The following MICU2 variants were observed in gnomAD, a reference collection of about 807,000 sequenced individuals.
MICU2 encodes the protein calcium uptake protein 2, mitochondrial.
Under a neutral mutation model 60.4 loss-of-function variants are expected in MICU2, and 64 were observed. That is an observed-to-expected ratio of 1.06 (90% CI 0.87 to 1.31). The LOEUF is 1.31. Among genes scored for constraint, MICU2 ranks in the 50% most tolerant of loss-of-function variants. The probability of loss-of-function intolerance (pLI) is 0.00; values close to 1 mark genes in which losing one functional copy is unlikely to be tolerated. For synonymous variants in MICU2, 201 were observed against 175.0 expected, an observed-to-expected ratio of 1.15 and a Z score of -1.17; for missense variants, 569 against 531.0, an observed-to-expected ratio of 1.07 and a Z score of -0.70.
rs1299447158 is a variant in MICU2 at position 21,597,116 on chromosome 13, AT to A, written c.210+6822del. 3.3e-5 allele frequency among the ~76,000 whole-genome samples: 5 copies of A among 152,312 alleles called. No homozygotes were observed. In the East Asian group the frequency reaches 9.6e-4, roughly 29 times the overall value. ...TAAATGTTAATAATATATATTAAAA[AT>A]GCTATCTTATATGTAGTCACAGGTT... On this transcript the variant is annotated intron_variant, in intron 1 of 11. Coordinates refer to ENST00000382374, the MANE Select transcript of MICU2 (RefSeq NM_152726.3).
At chr13:21,588,505 C>T (rs562808946) in intron 1 of MICU2, among the ~76,000 whole-genome samples, 2 of 152,314 alleles carry the variant, frequency 1.3e-5, no homozygotes, top group East Asian at 1.9e-4. Context: ...GCTTCCATCT[C>T]CCAACACTAA....
At chr13:21,603,846 G>C (rs1888885708) in intron 1 of MICU2, 93 bp downstream of exon 1, 1 of 1,397,904 alleles carries the variant, frequency 7.2e-7, no homozygotes, top group Non-Finnish European at 9.8e-7. Flanking sequence ...CACGGCTCCG[G>C]GAGAGCCGCC....
intron 2 of MICU2, among the ~76,000 whole-genome samples, chr13:21,562,912 T>C (rs1298317710): frequency 6.6e-6 from 1 of 152,226 alleles, no homozygotes; most frequent in Non-Finnish European, 1.5e-5. Context: ...GAACATTTCT[T>C]GTAAATCAGA....
intron 6 of MICU2, among the ~76,000 whole-genome samples, chr13:21,517,426 T>C (rs1267120997): frequency 6.6e-6 from 1 of 152,220 alleles, no homozygotes; most frequent in Non-Finnish European, 1.5e-5. Flanking sequence ...CTTTTAAATA[T>C]GCTTTTTTGA....
At chr13:21,578,280 G>C (rs1370279492) in intron 1 of MICU2, among the ~76,000 whole-genome samples, 1 of 152,092 alleles carries the variant, frequency 6.6e-6, no homozygotes, top group Non-Finnish European at 1.5e-5. Flanking sequence ...CAAACTCAAA[G>C]TGTGTCCTTA....
chr13:21,561,175 AT>A (rs1450078841), intron 2 of MICU2, among the ~76,000 whole-genome samples: 2 of 152,030 alleles, frequency 1.3e-5, no homozygotes, highest in African/African-American at 4.8e-5. Flanking sequence ...TATGATTTCT[AT>A]TCTTGTAAAT....
At chr13:21,525,790 A>G (rs1265585431) in intron 4 of MICU2, among the ~76,000 whole-genome samples, 1 of 151,744 alleles carries the variant, frequency 6.6e-6, no homozygotes, top group African/African-American at 2.4e-5. Flanking sequence ...TATTCTGGTT[A>G]TTATCCCTTA....
intron 1 of MICU2, among the ~76,000 whole-genome samples, chr13:21,577,594 TGA>T (rs1491402828): frequency 4.6e-5 from 7 of 151,586 alleles, no homozygotes; most frequent in African/African-American, 1.7e-4. Flanking sequence ...GATCACAAGG[TGA>T]GGAGTTCAAG....
Position 21,539,637 on chromosome 13 carries a change from C to T in MICU2, c.390+20G>A, listed in dbSNP as rs776314628. The T allele has an allele frequency of 5.6e-6, 9 of 1,614,024 alleles. No homozygotes were observed. Among genetic ancestry groups the T allele is most frequent in the African/African-American group, 1.3e-5 (1 of 75,036 alleles). ...TATCTTACCAAAAACAAACCCTGCCCCCCACAACATGATGCTTACCTTTTT... is the reference window on the plus strand; with the variant it reads ...TATCTTACCAAAAACAAACCCTGCCTCCCACAACATGATGCTTACCTTTTT... On this transcript the variant is annotated intron_variant, in intron 3 of 11. Coordinates refer to ENST00000382374, the MANE Select transcript of MICU2 (RefSeq NM_152726.3).
At chr13:21,557,795 C>T (rs1887743960) in intron 2 of MICU2, among the ~76,000 whole-genome samples, 1 of 152,196 alleles carries the variant, frequency 6.6e-6, no homozygotes, top group Non-Finnish European at 1.5e-5. Context: ...TGCAAAATTA[C>T]TGAATTCTTG....
intron 6 of MICU2, among the ~76,000 whole-genome samples, chr13:21,519,008 G>A (rs1886650211): frequency 6.6e-6 from 1 of 152,132 alleles, no homozygotes; most frequent in African/African-American, 2.4e-5. Flanking sequence ...CAATTTCAGA[G>A]GCTCTCTACT....
chr13:21,592,573 G>A (rs1435251105), intron 1 of MICU2, among the ~76,000 whole-genome samples: 1 of 152,108 alleles, frequency 6.6e-6, no homozygotes, highest in Admixed American at 6.5e-5. Flanking sequence ...GAAAACATAA[G>A]GCCAATATCC....
intron 2 of MICU2, among the ~76,000 whole-genome samples, chr13:21,565,784 G>C (rs958898605): frequency 2.6e-5 from 4 of 152,226 alleles, no homozygotes; most frequent in Non-Finnish European, 5.9e-5. Flanking sequence ...AGTGAGCTGA[G>C]ATCATGCCAT....
chr13:21,522,537 T>C (rs1433656756), intron 5 of MICU2, 66 bp downstream of exon 5: 1 of 1,318,940 alleles, frequency 7.6e-7, no homozygotes, highest in Non-Finnish European at 1.1e-6. Flanking sequence ...GCCAAACTTT[T>C]AAAATCCTGT....
intron 6 of MICU2, among the ~76,000 whole-genome samples, chr13:21,519,547 G>A (rs1173138778): frequency 6.6e-6 from 1 of 152,146 alleles, no homozygotes; most frequent in Non-Finnish European, 1.5e-5. Flanking sequence ...ATGAAACACT[G>A]CTCCCCAAGT....
At chr13:21,510,227 AGTT>A (rs1886393938) in intron 7 of MICU2, 126 bp from the exon 8 acceptor site, 1 of 440,038 alleles carries the variant, frequency 2.3e-6, no homozygotes, top group African/African-American at 2.1e-5. Flanking sequence ...CAACAACAAA[AGTT>A]GTAAAAGAGG....
At chr13:21,547,790 G>A (rs1284033731) in intron 2 of MICU2, among the ~76,000 whole-genome samples, 2 of 151,646 alleles carry the variant, frequency 1.3e-5, no homozygotes, top group Non-Finnish European at 2.9e-5. Context: ...TGTACTTGGG[G>A]GTGGGGGTGG....
chr13:21,542,016 C>T (rs967690731), intron 2 of MICU2, among the ~76,000 whole-genome samples: 3 of 151,910 alleles, frequency 2.0e-5, no homozygotes, highest in African/African-American at 7.3e-5. Context: ...TAGTCTCTTA[C>T]ATAAAATTCA....
At chr13:21,571,400 A>T (rs1888105353) in intron 1 of MICU2, among the ~76,000 whole-genome samples, 1 of 152,174 alleles carries the variant, frequency 6.6e-6, no homozygotes, top group African/African-American at 2.4e-5. Flanking sequence ...TAAAATTTTA[A>T]AAAAAATCAA....
Sources: allele counts gnomAD v4.1 joint callset (sites outside exome capture counted in the v4.1 genomes callset), GRCh38; gene constraint gnomAD v4.1.1; transcripts MANE v1.5; gene names NCBI Gene and HGNC (gene_info 2026-07-23, HGNC 2026-07-21).